Variants in TRPC4 observed in about 807,000 individuals in gnomAD.
TRPC4 encodes the protein short transient receptor potential channel 4.
Under a neutral mutation model 99.4 loss-of-function variants are expected in TRPC4, and 49 were observed. The observed-to-expected ratio is 0.49, with a 90% CI of 0.39 to 0.63. The LOEUF (loss-of-function observed/expected upper bound fraction) is 0.63. TRPC4 is among the 20% of genes least tolerant of loss of function. The pLI, the probability that TRPC4 is intolerant of heterozygous loss-of-function variation, is 0.00. For missense variants in TRPC4, 898 were observed against 1,152.9 expected (o/e 0.78, Z 3.20); for synonymous variants, 454 against 425.9 (o/e 1.07, Z -0.81).
rs1274328458 is a variant in TRPC4 at position 37,634,122 on chromosome 13, A to G, written c.*2781T>C. On this transcript the variant is annotated 3_prime_UTR_variant, in exon 11 of 11. Coordinates refer to ENST00000379705, the MANE Select transcript of TRPC4 (RefSeq NM_016179.4). The stretch of plus-strand genomic sequence containing the variant: ...TAAGAGAGTACGAAAAATGAGAAAC[A>G]TTATTTATGTAAATGAAGGTAATTT... 1.3e-5 allele frequency among the ~76,000 whole-genome samples: 2 copies of G among 152,114 alleles called. No individual in the cohort carries two copies. Among genetic ancestry groups the G allele is most frequent in the Non-Finnish European group, 2.9e-5 (2 of 67,990 alleles).
intron 3 of TRPC4, among the ~76,000 whole-genome samples, chr13:37,696,255 G>T (rs1022881733): frequency 1.3e-5 from 2 of 151,948 alleles, no homozygotes; most frequent in African/African-American, 4.8e-5. Context: ...TCTCCCACCG[G>T]GTCTCTCCCA....
chr13:37,775,045 G>A (rs1377057077), intron 2 of TRPC4, among the ~76,000 whole-genome samples: 1 of 151,544 alleles, frequency 6.6e-6, no homozygotes, highest in African/African-American at 2.4e-5. Context: ...TGTTAATAAT[G>A]GATTAGAGGG....
At chr13:37,866,850 G>T (rs1334341658) in intron 1 of TRPC4, among the ~76,000 whole-genome samples, 1 of 121,510 alleles carries the variant, frequency 8.2e-6, no homozygotes, top group Non-Finnish European at 1.7e-5. Context: ...TTTTTGTGGG[G>T]GGGGGCGGGT....
At chr13:37,830,576 G>T (rs1007870961) in intron 1 of TRPC4, among the ~76,000 whole-genome samples, 9 of 151,574 alleles carry the variant, frequency 5.9e-5, no homozygotes, top group African/African-American at 1.9e-4. Context: ...GCCTGGCATG[G>T]TGGTGCATGC....
Position 37,749,277 on chromosome 13 carries a change from T to C in TRPC4, c.379-2822A>G, listed in dbSNP as rs377660830. On this transcript the variant is annotated intron_variant, in intron 2 of 10. Transcript: ENST00000379705. ...TACCCAGTCTCAGGTAGTGTCTTTA[T>C]AGAACAGTGAAAACGGACTAATACA... Among the ~76,000 whole-genome samples the C allele has an allele frequency of 1.4e-4, 22 of 152,288 alleles. No individual in the cohort carries two copies. The East Asian group carries it at 1.9e-3, about 13-fold the overall frequency.
At chr13:37,843,706 GCA>G (rs1485079560) in intron 1 of TRPC4, among the ~76,000 whole-genome samples, 1 of 80,344 alleles carries the variant, frequency 1.2e-5, no homozygotes, top group African/African-American at 5.8e-5. Flanking sequence ...ACACACACAC[GCA>G]CACATACACA....
chr13:37,862,316 T>C (rs539621804), intron 1 of TRPC4, among the ~76,000 whole-genome samples: 23 of 151,588 alleles, frequency 1.5e-4, no homozygotes, highest in Non-Finnish European at 2.4e-4. Context: ...AACCAGACTT[T>C]GGAAAACAAC....
intron 3 of TRPC4, among the ~76,000 whole-genome samples, chr13:37,742,021 A>T (rs1566135595): frequency 6.6e-6 from 1 of 152,004 alleles, no homozygotes; most frequent in Non-Finnish European, 1.5e-5. Context: ...AACTTAACCC[A>T]GTTGCTAAAA....
chr13:37,823,486 A>G (rs1464128758), intron 1 of TRPC4, among the ~76,000 whole-genome samples: 1 of 148,172 alleles, frequency 6.7e-6, no homozygotes, highest in Non-Finnish European at 1.5e-5. Flanking sequence ...AGCTTTCTAC[A>G]TATGGCTAGC....
intron 1 of TRPC4, among the ~76,000 whole-genome samples, chr13:37,826,132 C>A (rs1337401329): frequency 1.6e-5 from 2 of 122,098 alleles, no homozygotes; most frequent in Non-Finnish European, 3.4e-5. Context: ...CTTGGTAGAT[C>A]TTCCTCCATC....
chr13:37,760,017 T>A (rs1425761411), intron 2 of TRPC4, among the ~76,000 whole-genome samples: 1 of 152,030 alleles, frequency 6.6e-6, no homozygotes, highest in African/African-American at 2.4e-5. Flanking sequence ...TAATGTTGTA[T>A]GTATCATTCC....
intron 2 of TRPC4, among the ~76,000 whole-genome samples, chr13:37,774,967 A>G (rs1162908141): frequency 1.1e-3 from 8 of 7,610 alleles, no homozygotes; most frequent in African/African-American, 1.1e-3. Context: ...TTTCAGTATT[A>G]TGGTTAATGA....
chr13:37,662,496 T>C (rs1952480826), intron 6 of TRPC4, among the ~76,000 whole-genome samples: 1 of 152,174 alleles, frequency 6.6e-6, no homozygotes, highest in Admixed American at 6.5e-5. Context: ...ACAAGAGCAT[T>C]TTAGCTGTAA....
intron 2 of TRPC4, among the ~76,000 whole-genome samples, chr13:37,747,676 C>T (rs1955824395): frequency 6.6e-6 from 1 of 152,120 alleles, no homozygotes; most frequent in Admixed American, 6.5e-5. Flanking sequence ...TGGACAATTA[C>T]ACACATTTTA....
intron 1 of TRPC4, among the ~76,000 whole-genome samples, chr13:37,827,609 T>G (rs1375237835): frequency 6.6e-6 from 1 of 152,158 alleles, no homozygotes; most frequent in African/African-American, 2.4e-5. Context: ...GGGACCCACT[T>G]GAGGAGGCAG....
intron 1 of TRPC4, among the ~76,000 whole-genome samples, chr13:37,795,505 G>C (rs1593761510): frequency 6.6e-6 from 1 of 152,096 alleles, no homozygotes; most frequent in Non-Finnish European, 1.5e-5. Flanking sequence ...AGCTCTATCA[G>C]GGGGGTAAGA....
intron 4 of TRPC4, among the ~76,000 whole-genome samples, chr13:37,679,010 G>A (rs1953149777): frequency 6.6e-6 from 1 of 152,034 alleles, no homozygotes; most frequent in African/African-American, 2.4e-5. Flanking sequence ...ATAAACATTT[G>A]ACAAAATTTA....
chr13:37,790,469 T>C (rs780625220), intron 1 of TRPC4, among the ~76,000 whole-genome samples: 1 of 152,184 alleles, frequency 6.6e-6, no homozygotes, highest in Non-Finnish European at 1.5e-5. Context: ...AAAGATAAGA[T>C]TGTAAACCAA....
At chr13:37,828,244 A>C (rs1366983193) in intron 1 of TRPC4, among the ~76,000 whole-genome samples, 1 of 152,104 alleles carries the variant, frequency 6.6e-6, no homozygotes, top group African/African-American at 2.4e-5. Context: ...TGCGTTGCTC[A>C]CGCTGGGAGC....
Sources: gnomAD v4.1 joint callset for allele counts (sites outside exome capture counted in the v4.1 genomes callset) on GRCh38, gnomAD v4.1.1 for gene constraint, MANE v1.5 for transcripts, NCBI Gene and HGNC (gene_info 2026-07-23, HGNC 2026-07-21) for gene names.